The following ANKRD36 variants were observed in gnomAD, a reference collection of about 807,000 sequenced individuals.
The protein encoded by ANKRD36 is ankyrin repeat domain 36, also known as ankyrin repeat domain-containing protein 36A.
ANKRD36 carries 179 observed loss-of-function variants against 278.1 expected under a neutral mutation model. That is an observed-to-expected ratio of 0.64 (90% confidence interval 0.57 to 0.73). ANKRD36 has a LOEUF of 0.73. ANKRD36 is among the 30% of genes least tolerant of loss of function. The pLI, the probability that ANKRD36 is intolerant of heterozygous loss-of-function variation, is 0.00. For missense variants in ANKRD36, 1,159 were observed against 1,956.7 expected (o/e 0.59, Z 7.69); for synonymous variants, 320 against 641.1 (o/e 0.50, Z 7.57).
intron 42 of ANKRD36, 142 bp downstream of exon 42, chr2:97,196,930 T>G (rs2059929650): frequency 7.5e-7 from 1 of 1,339,762 alleles, no homozygotes; most frequent in Non-Finnish European, 1.0e-6. Flanking sequence ...AGTAGGTTCT[T>G]GGGTGATGCT....
intron 26 of ANKRD36, among the ~76,000 whole-genome samples, chr2:97,182,987 AT>A (rs896314481): frequency 2.0e-4 from 31 of 151,816 alleles, no homozygotes; most frequent in Admixed American, 1.2e-3. Flanking sequence ...CTAAAGTGTC[AT>A]TGTCATTGTG....
At chr2:97,258,235 GT>G (rs1284645324) in intron 75 of ANKRD36, among the ~76,000 whole-genome samples, 12 of 142,538 alleles carry the variant, frequency 8.4e-5, no homozygotes, top group African/African-American at 2.7e-4. Flanking sequence ...AATTTTATTA[GT>G]TTTTTTTTGT....
chr2:97,226,144 A>T (rs1312285649), intron 67 of ANKRD36, among the ~76,000 whole-genome samples: 15 of 151,558 alleles, frequency 9.9e-5, no homozygotes, highest in African/African-American at 3.4e-4. Flanking sequence ...ATACCCAGTA[A>T]TGGGATGGCA....
chr2:97,132,028 C>A (rs527744501), intron 6 of ANKRD36, among the ~76,000 whole-genome samples: 3 of 151,914 alleles, frequency 2.0e-5, no homozygotes, highest in African/African-American at 7.3e-5. Flanking sequence ...GGGGTTTCAC[C>A]GTGTTAGCCA....
At chr2:97,211,075 GT>G (rs2064405005) in intron 56 of ANKRD36, among the ~76,000 whole-genome samples, 1 of 151,862 alleles carries the variant, frequency 6.6e-6, no homozygotes, top group South Asian at 2.1e-4. Context: ...CCACTGAAAT[GT>G]CTTCGTAATT....
intron 52 of ANKRD36, among the ~76,000 whole-genome samples, chr2:97,206,980 A>G (rs1380522863): frequency 1.3e-5 from 2 of 151,538 alleles, no homozygotes; most frequent in Non-Finnish European, 3.0e-5. Flanking sequence ...AACAAAAATT[A>G]TGCTGGATTC....
chr2:97,207,581 A>G (rs1156694686), intron 52 of ANKRD36, among the ~76,000 whole-genome samples: 2 of 151,444 alleles, frequency 1.3e-5, no homozygotes, highest in African/African-American at 2.4e-5. Context: ...TTTTTCACAT[A>G]TGACAAATCA....
At chr2:97,212,200 G>A (rs56305927) in intron 58 of ANKRD36, among the ~76,000 whole-genome samples, 3,526 of 151,900 alleles carry the variant, frequency 0.023, 124 homozygotes, top group African/African-American at 0.08. Flanking sequence ...TCAAGGAATA[G>A]GGATTGTGAG....
In ANKRD36 at chr2:97,211,645, T is replaced by C. The variant is rs1244228072; in HGVS notation, c.3397-24T>C. 3.8e-6 allele frequency: 6 copies of C among 1,592,730 alleles called. No homozygotes were observed. The Admixed American group carries it at 1.0e-4, about 28-fold the overall frequency. ...TATGAAATATACTTTATTTATTGAC[T>C]GTTTTGTTTCAAATTCTATTCAGGC... is the stretch of plus-strand genomic sequence containing the variant. On this transcript the variant is annotated intron_variant, in intron 57 of 75. Coordinates refer to ENST00000420699, the MANE Select transcript of ANKRD36 (RefSeq NM_001354587.1).
chr2:97,204,020 T>G (rs1558752723), intron 48 of ANKRD36, 48 bp from the exon 49 acceptor site: 1 of 1,548,874 alleles, frequency 6.5e-7, no homozygotes, highest in Non-Finnish European at 8.7e-7. Context: ...TATGGATAAT[T>G]TTGTCATTTT....
chr2:97,205,878 A>T, intron 50 of ANKRD36, 62 bp from the exon 51 acceptor site: 1 of 1,498,926 alleles, frequency 6.7e-7, no homozygotes, highest in Non-Finnish European at 9.0e-7. Context: ...ACTCTGCTTG[A>T]ATGTATGGAT....
At chr2:97,117,308 T>A (rs2153402839) in intron 1 of ANKRD36, among the ~76,000 whole-genome samples, 1 of 152,180 alleles carries the variant, frequency 6.6e-6, no homozygotes, top group East Asian at 1.9e-4. Flanking sequence ...TTTTTATTTT[T>A]GCCTTCTTTT....
chr2:97,215,536 A>C (rs2065690121), intron 62 of ANKRD36, 39 bp downstream of exon 62: 1 of 1,594,870 alleles, frequency 6.3e-7, no homozygotes, highest in South Asian at 1.1e-5. Context: ...GTTCGATCAA[A>C]TAGAAGAGAA....
At chr2:97,165,607 C>T (rs1405146527) in intron 20 of ANKRD36, among the ~76,000 whole-genome samples, 2 of 152,114 alleles carry the variant, frequency 1.3e-5, no homozygotes, top group East Asian at 1.9e-4. Context: ...GGCTTCCTTA[C>T]ATAGATGATG....
intron 44 of ANKRD36, among the ~76,000 whole-genome samples, 172 bp from the exon 45 acceptor site, chr2:97,200,162 C>A (rs1320337902): frequency 2.0e-5 from 3 of 151,840 alleles, no homozygotes; most frequent in Admixed American, 2.0e-4. Context: ...CCTGTGTTCC[C>A]TTTTTTCAGT....
intron 67 of ANKRD36, among the ~76,000 whole-genome samples, chr2:97,227,091 A>G (rs903569074): frequency 1.3e-5 from 2 of 152,112 alleles, no homozygotes; most frequent in African/African-American, 4.8e-5. Flanking sequence ...TTGGCTAAGG[A>G]TTGACTTAGT....
intron 56 of ANKRD36, among the ~76,000 whole-genome samples, chr2:97,210,080 T>A (rs1407688226): frequency 6.6e-6 from 1 of 151,822 alleles, no homozygotes; most frequent in African/African-American, 2.4e-5. Flanking sequence ...TTCCCCACAT[T>A]GAAATTGGGA....
intron 42 of ANKRD36, among the ~76,000 whole-genome samples, chr2:97,197,211 C>A (rs536240532): frequency 1.6e-4 from 25 of 151,972 alleles, no homozygotes; most frequent in African/African-American, 6.0e-4. Flanking sequence ...TAAGGAGACC[C>A]CTGTTGTAGC....
intron 67 of ANKRD36, among the ~76,000 whole-genome samples, chr2:97,231,479 C>A (rs190916908): frequency 1.3e-5 from 2 of 152,260 alleles, no homozygotes; most frequent in African/African-American, 4.8e-5. Context: ...TTTTTTAAGC[C>A]CGTCGGAAAA....
Sources: allele counts gnomAD v4.1 joint callset (sites outside exome capture counted in the v4.1 genomes callset), GRCh38; gene constraint gnomAD v4.1.1; transcripts MANE v1.5; gene names NCBI Gene and HGNC (gene_info 2026-07-23, HGNC 2026-07-21).